Variants in HS3ST2 observed in about 807,000 individuals in gnomAD.
HS3ST2 encodes the protein heparan sulfate-glucosamine 3-sulfotransferase 2.
Under a neutral mutation model 26.3 loss-of-function variants are expected in HS3ST2, and 17 were observed. The observed-to-expected ratio is 0.65, with a 90% confidence interval of 0.44 to 0.97. The LOEUF is 0.97. Ranked by LOEUF, HS3ST2 falls within the 50% of genes least tolerant of loss-of-function variation. HS3ST2 has a pLI of 0.00. For synonymous variants in HS3ST2, 237 were observed against 219.2 expected, an observed-to-expected ratio of 1.08 and a Z score of -0.72; for missense variants, 402 against 501.2, an observed-to-expected ratio of 0.80 and a Z score of 1.89.
intron 1 of HS3ST2, among the ~76,000 whole-genome samples, chr16:22,853,065 T>C (rs543174210): frequency 6.6e-6 from 1 of 152,328 alleles, no homozygotes; most frequent in Non-Finnish European, 1.5e-5. Context: ...ACTTTGCATA[T>C]AGCAGCATGC....
intron 1 of HS3ST2, 110 bp downstream of exon 1, chr16:22,815,205 T>G: frequency 7.1e-7 from 1 of 1,414,142 alleles, no homozygotes; most frequent in Non-Finnish European, 9.6e-7. Context: ...ATTGTATGGG[T>G]TCAGGCTGAC....
chr16:22,831,542 T>C (rs1031758577), intron 1 of HS3ST2, among the ~76,000 whole-genome samples: 7 of 152,190 alleles, frequency 4.6e-5, no homozygotes, highest in Non-Finnish European at 1.0e-4. Flanking sequence ...GGATTGTAGG[T>C]TTGATAAGTT....
chr16:22,832,734 G>A (rs1289217150), intron 1 of HS3ST2, among the ~76,000 whole-genome samples: 1 of 151,158 alleles, frequency 6.6e-6, no homozygotes, highest in African/African-American at 2.4e-5. Flanking sequence ...TGAGTTGAAG[G>A]GGATACGAGA....
rs34710184 is a variant in HS3ST2 at position 22,891,477 on chromosome 16, GAA to G, written c.486-23457_486-23456del. Among the ~76,000 whole-genome samples, 8 of 148,640 alleles carry G rather than the reference GAA, an allele frequency of 5.4e-5. No individual in the cohort carries two copies. The East Asian group carries it at 1.2e-3, about 22-fold the overall frequency. ...CTTTTCCCTTGTACGATCTTCATTT[GAA>G]AAAAAAAAATGCACTTGACCCAAGA... On this transcript the variant is annotated intron_variant, in intron 1 of 1. Coordinates refer to ENST00000261374, the MANE Select transcript of HS3ST2 (RefSeq NM_006043.2).
intron 1 of HS3ST2, chr16:22,854,849 A>T (rs1400987460): frequency 6.6e-6 from 1 of 152,190 alleles, no homozygotes; most frequent in Non-Finnish European, 1.5e-5. Context: ...TTGGTTGCTC[A>T]AGCTGCTATC....
At chr16:22,821,698 T>C (rs1397787402) in intron 1 of HS3ST2, among the ~76,000 whole-genome samples, 1 of 152,180 alleles carries the variant, frequency 6.6e-6, no homozygotes, top group Non-Finnish European at 1.5e-5. Context: ...GCCAGGCTGC[T>C]GTAGGCCGGT....
chr16:22,911,712 T>TA (rs1334780954), intron 1 of HS3ST2, among the ~76,000 whole-genome samples: 1 of 152,212 alleles, frequency 6.6e-6, no homozygotes, highest in Non-Finnish European at 1.5e-5. Flanking sequence ...TTCCCTTCTC[T>TA]AACAAGGACA....
chr16:22,830,880 T>G (rs1901158158), intron 1 of HS3ST2, among the ~76,000 whole-genome samples: 1 of 152,246 alleles, frequency 6.6e-6, no homozygotes, highest in South Asian at 2.1e-4. Flanking sequence ...TTTACTCAAA[T>G]GCATTTACCT....
chr16:22,854,007 G>A (rs1369094153), intron 1 of HS3ST2, among the ~76,000 whole-genome samples: 3 of 152,108 alleles, frequency 2.0e-5, no homozygotes, highest in African/African-American at 7.2e-5. Context: ...GGACCCATGT[G>A]GTCTCACTAT....
chr16:22,823,618 TA>T (rs35978909), intron 1 of HS3ST2, among the ~76,000 whole-genome samples: 7,610 of 137,254 alleles, frequency 0.055, 551 homozygotes, highest in African/African-American at 0.17. Context: ...ACCTCTTCTC[TA>T]AAAAAAAAAA....
At chr16:22,896,789 C>T (rs1051805161) in intron 1 of HS3ST2, among the ~76,000 whole-genome samples, 1 of 151,802 alleles carries the variant, frequency 6.6e-6, no homozygotes, top group African/African-American at 2.4e-5. Flanking sequence ...TGTTTTCTTT[C>T]TTTTCTCTTC....
At chr16:22,891,761 G>A (rs1408733017) in intron 1 of HS3ST2, among the ~76,000 whole-genome samples, 1 of 152,116 alleles carries the variant, frequency 6.6e-6, no homozygotes, top group African/African-American at 2.4e-5. Context: ...GAGACCCGAT[G>A]TAATATGTTC....
intron 1 of HS3ST2, among the ~76,000 whole-genome samples, chr16:22,902,421 A>G (rs895823741): frequency 2.0e-5 from 3 of 152,210 alleles, no homozygotes; most frequent in South Asian, 2.1e-4. Flanking sequence ...GTATCCTCCC[A>G]TACCCTTTCT....
chr16:22,843,074 T>G (rs1901381078), intron 1 of HS3ST2, among the ~76,000 whole-genome samples: 2 of 152,158 alleles, frequency 1.3e-5, no homozygotes, highest in Non-Finnish European at 2.9e-5. Flanking sequence ...AGGGAAAAAC[T>G]TTCTCAAACC....
chr16:22,845,089 T>G lies in HS3ST2; in HGVS notation c.485+29994T>G, dbSNP rs374935178. On this transcript the variant is annotated intron_variant, in intron 1 of 1. Transcript: ENST00000261374. ...TAGGATGGTCTGGATCTCCTGACCT[T>G]GTGATCCGCCTGCCTCGGCCTCCCA... Among the ~76,000 whole-genome samples the G allele has an allele frequency of 2.0e-5, 3 of 147,566 alleles. 1 individual carries two copies. Among genetic ancestry groups the G allele is most frequent in the African/African-American group, 8.0e-5 (3 of 37,374 alleles).
chr16:22,865,948 T>C (rs900788268), intron 1 of HS3ST2, among the ~76,000 whole-genome samples: 2 of 152,182 alleles, frequency 1.3e-5, no homozygotes, highest in Non-Finnish European at 2.9e-5. Flanking sequence ...ATCAAATGCA[T>C]TGTTTTTAAA....
In HS3ST2 at chr16:22,814,916, C is replaced by T; in HGVS notation, c.306C>T (p.Asn102=). The change falls in exon 1 of 2, where the codon AAC becomes AAT. Residue 102 remains asparagine (N), a synonymous_variant. Transcript: ENST00000261374. ...CCGCCCCTCGCCTCTCCGGTTCCAA[C>T]CACTCCGGCTCACCCAAGCTGGGTA... The part of the protein sequence containing the change: ...AVPAPRLSGS[N]HSGSPKLGTK... 6.3e-7 allele frequency: 1 copy of T among 1,596,928 alleles called. No homozygotes were observed. Among genetic ancestry groups the T allele is most frequent in the Non-Finnish European group, 8.5e-7 (1 of 1,172,408 alleles).
chr16:22,904,915 G>A (rs1019867019), intron 1 of HS3ST2, among the ~76,000 whole-genome samples: 35 of 152,208 alleles, frequency 2.3e-4, no homozygotes, highest in Non-Finnish European at 3.7e-4. Flanking sequence ...TCATGACTTC[G>A]CTCAACTAGG....
intron 1 of HS3ST2, among the ~76,000 whole-genome samples, chr16:22,875,612 ACCT>A (rs148713967): frequency 0.014 from 2,073 of 152,190 alleles, 44 homozygotes; most frequent in African/African-American, 0.047. Context: ...CGATCTCCTG[ACCT>A]CATGATCTGC....
Sources: allele counts gnomAD v4.1 joint callset (sites outside exome capture counted in the v4.1 genomes callset), GRCh38; gene constraint gnomAD v4.1.1; transcripts MANE v1.5; gene names NCBI Gene and HGNC (gene_info 2026-07-23, HGNC 2026-07-21).